Variants in TMEM87B observed in about 807,000 individuals in gnomAD.
TMEM87B encodes transmembrane protein 87B.
TMEM87B carries 83 observed loss-of-function variants against 80.3 expected under a neutral mutation model. That is an observed-to-expected ratio of 1.03 (90% CI 0.87 to 1.24). TMEM87B has a LOEUF of 1.24. Among genes scored for constraint, TMEM87B ranks in the 50% most tolerant of loss-of-function variants. The probability of loss-of-function intolerance (pLI) is 0.00; values close to 1 mark genes in which losing one functional copy is unlikely to be tolerated. For synonymous variants in TMEM87B, 219 were observed against 230.5 expected (o/e 0.95, Z 0.45); for missense variants, 625 against 674.4 (o/e 0.93, Z 0.81).
rs768652873 is a variant in TMEM87B, at chr2:112,077,183, C to CT, written c.502-8dup. The stretch of plus-strand genomic sequence containing the variant: ...AAATAATGAAGAATTTTTTTCACCT[C>CT]TATTTCAGGATGTTGTAGCCAGAAC... On this transcript the variant is annotated splice_polypyrimidine_tract_variant and intron_variant, in intron 5 of 18. Coordinates refer to ENST00000283206, the MANE Select transcript of TMEM87B (RefSeq NM_032824.3). The CT allele has an allele frequency of 2.8e-5, 43 of 1,530,110 alleles. No individual in the cohort carries two copies. The highest frequency in any genetic ancestry group is 3.9e-5 in the Admixed American group (2 of 51,074). 94.8% of individuals were successfully genotyped at this position (1,530,110 alleles called of 1,614,324 possible).
intron 17 of TMEM87B, among the ~76,000 whole-genome samples, chr2:112,109,868 G>A (rs1053362400): frequency 4.7e-5 from 7 of 150,470 alleles, no homozygotes; most frequent in Non-Finnish European, 1.0e-4. Flanking sequence ...CCAAGTTCCA[G>A]TGATTCTTCT....
At chr2:112,078,896 A>G (rs1486659758) in intron 6 of TMEM87B, among the ~76,000 whole-genome samples, 1 of 152,236 alleles carries the variant, frequency 6.6e-6, no homozygotes, top group Non-Finnish European at 1.5e-5. Flanking sequence ...GGTAGCTGGG[A>G]CTACTGTGCT....
At chr2:112,070,947 A>G (rs112832719) in intron 4 of TMEM87B, among the ~76,000 whole-genome samples, 1 of 150,236 alleles carries the variant, frequency 6.7e-6, no homozygotes, top group Non-Finnish European at 1.5e-5. Context: ...TCAGCCTCCC[A>G]AGTAGCTGGG....
intron 11 of TMEM87B, among the ~76,000 whole-genome samples, chr2:112,094,815 A>AT (rs2104491040): frequency 6.6e-6 from 1 of 152,252 alleles, no homozygotes; most frequent in African/African-American, 2.4e-5. Flanking sequence ...CATGAGCCTG[A>AT]ATTTGTGAAG....
intron 6 of TMEM87B, among the ~76,000 whole-genome samples, chr2:112,080,379 C>A (rs1008686832): frequency 2.0e-5 from 3 of 152,176 alleles, no homozygotes; most frequent in African/African-American, 7.2e-5. Flanking sequence ...CCTGCCTCGG[C>A]CTCCCGAGTA....
intron 16 of TMEM87B, among the ~76,000 whole-genome samples, chr2:112,107,357 CAAA>C (rs35280651): frequency 2.4e-5 from 2 of 83,968 alleles, no homozygotes; most frequent in African/African-American, 4.5e-5. Context: ...GACTCTGTCT[CAAA>C]AAAAAAAAAA....
At position 112,091,710 on chromosome 2, in the gene TMEM87B, AG is replaced by A. The variant is rs749593068; in HGVS notation, c.1034del. 6.2e-7 allele frequency: 1 copy of A among 1,608,004 alleles called. No individual in the cohort carries two copies. Among genetic ancestry groups the A allele is most frequent in the South Asian group, 1.1e-5 (1 of 89,954 alleles). On this transcript the variant is annotated splice_acceptor_variant, in intron 10 of 18. Coordinates refer to ENST00000283206, the MANE Select transcript of TMEM87B (RefSeq NM_032824.3). LOFTEE classifies it high-confidence loss of function. ...GTTTCTTCCCTTATTTTTATCTTTC[AG>A]GGTTCTAACCATTTAGCTGTTGTTC...
intron 4 of TMEM87B, among the ~76,000 whole-genome samples, chr2:112,071,837 G>A (rs1295680277): frequency 6.6e-6 from 1 of 152,168 alleles, no homozygotes; most frequent in African/African-American, 2.4e-5. Flanking sequence ...GGAGTGATGA[G>A]AGAGGGCATT....
chr2:112,105,933 G>T, intron 15 of TMEM87B, 69 bp from the exon 16 acceptor site: 2 of 1,125,332 alleles, frequency 1.8e-6, no homozygotes, highest in Non-Finnish European at 2.5e-6. Flanking sequence ...TTTCTTATCA[G>T]ATTATTAAAT....
chr2:112,060,208 G>T lies in TMEM87B; in HGVS notation c.226+171G>T, dbSNP rs529032547. Among the ~76,000 whole-genome samples, 6 of 152,132 alleles carry T rather than the reference G, an allele frequency of 3.9e-5. No individual in the cohort carries two copies. In the East Asian group the frequency reaches 9.8e-4, roughly 25 times the overall value. On this transcript the variant is annotated intron_variant, in intron 2 of 18. Coordinates refer to ENST00000283206, the MANE Select transcript of TMEM87B (RefSeq NM_032824.3). ...TAAAAATACAAAAAAAGTTAGCTGG[G>T]CATGGTGGTGGGCACCTGTAGTCCC...
At chr2:112,105,142 TACAC>T (rs145629646) in intron 15 of TMEM87B, among the ~76,000 whole-genome samples, 2 of 151,768 alleles carry the variant, frequency 1.3e-5, no homozygotes, top group Non-Finnish European at 2.9e-5. Context: ...TATATATATA[TACAC>T]ACACACACGC....
chr2:112,108,145 CT>C (rs796709350), intron 17 of TMEM87B, among the ~76,000 whole-genome samples: 13 of 148,006 alleles, frequency 8.8e-5, no homozygotes, highest in Admixed American at 1.3e-4. Flanking sequence ...TGTATGTAAA[CT>C]TTTTTTTTTT....
Position 112,055,727 on chromosome 2 carries a change from C to G in TMEM87B, c.136C>G (p.Leu46Val). Residue 46 changes from leucine to valine, a missense_variant, in exon 1 of 19, where the codon CTC becomes GTC. Transcript: ENST00000283206. ...GGCGGCTGTGCGCGCGGTCCCTGAG[C>G]TCGGGCTCTGGTTAGAGACAGTCAA... is the stretch of plus-strand genomic sequence containing the variant. ...TPAAVRAVPE[L>V]GLWLETVNDK... 6.6e-7 allele frequency: 1 copy of G among 1,526,484 alleles called. No individual in the cohort carries two copies. Among genetic ancestry groups the G allele is most frequent in the Non-Finnish European group, 8.7e-7 (1 of 1,144,206 alleles). 94.6% of individuals were successfully genotyped at this position (1,526,484 alleles called of 1,614,324 possible). A position where few individuals can be genotyped will look rare whatever the true frequency, so the allele number is the denominator to read the frequency against.
Position 112,098,612 on chromosome 2 carries a change from G to A in TMEM87B, c.1290G>A (p.Trp430Ter). ...TCTTTTAGGATTGGATGGAACGCTG[G>A]GTTGACGATGCATTTTGGAGCTTCC... is the stretch of plus-strand genomic sequence containing the variant. ...AKCQSDWMER[W>*]VDDAFWSFLF... is the part of the protein sequence containing the mutation. Residue 430 changes from tryptophan to a stop codon, truncating the protein, a stop_gained, in exon 14 of 19, where the codon TGG becomes TGA. Coordinates refer to ENST00000283206, the MANE Select transcript of TMEM87B (RefSeq NM_032824.3). LOFTEE classifies it high-confidence loss of function. The A allele has an allele frequency of 1.2e-6, 2 of 1,614,064 alleles. No homozygotes were observed. The highest frequency in any genetic ancestry group is 2.2e-5 in the South Asian group (2 of 91,068).
Position 112,055,703 on chromosome 2 carries a change from G to C in TMEM87B, c.112G>C (p.Ala38Pro). 6.5e-7 allele frequency: 1 copy of C among 1,545,824 alleles called. No homozygotes were observed. The highest frequency in any genetic ancestry group is 8.7e-7 in the Non-Finnish European group (1 of 1,153,134). Residue 38 changes from alanine (A) to proline (P), a missense_variant, in exon 1 of 19, where the codon GCG (alanine) becomes CCG (proline). Coordinates refer to ENST00000283206, the MANE Select transcript of TMEM87B (RefSeq NM_032824.3). Reference protein sequence around the residue: ...VALCLLCWTPAAVRAVPELGL... With the variant: ...VALCLLCWTPPAVRAVPELGL... The stretch of plus-strand genomic sequence containing the variant: ...CCTCTGCCTCCTGTGCTGGACCCCG[G>C]CGGCTGTGCGCGCGGTCCCTGAGCT...
intron 10 of TMEM87B, among the ~76,000 whole-genome samples, chr2:112,091,467 T>G (rs977308582): frequency 6.6e-6 from 1 of 152,206 alleles, no homozygotes; most frequent in African/African-American, 2.4e-5. Context: ...GGGGACACGA[T>G]GCTTTTTATT....
At chr2:112,088,923 T>C (rs954748845) in intron 9 of TMEM87B, among the ~76,000 whole-genome samples, 1 of 152,056 alleles carries the variant, frequency 6.6e-6, no homozygotes, top group Non-Finnish European at 1.5e-5. Context: ...CACCCCCGGC[T>C]AATTGTTTGC....
intron 9 of TMEM87B, among the ~76,000 whole-genome samples, chr2:112,087,984 G>A (rs1252969546): frequency 6.6e-6 from 1 of 152,164 alleles, no homozygotes; most frequent in East Asian, 1.9e-4. Context: ...CTCCTCCCCA[G>A]CCTCCTCTGC....
chr2:112,094,713 A>G (rs1679406053), intron 11 of TMEM87B, among the ~76,000 whole-genome samples: 1 of 152,218 alleles, frequency 6.6e-6, no homozygotes, highest in African/African-American at 2.4e-5. Context: ...ATTTATAATG[A>G]AAATGTTTCA....
Sources: allele counts gnomAD v4.1 joint callset (sites outside exome capture counted in the v4.1 genomes callset), GRCh38; gene constraint gnomAD v4.1.1; transcripts MANE v1.5; gene names NCBI Gene and HGNC (gene_info 2026-07-23, HGNC 2026-07-21).